Variants in FANCD2 observed in about 807,000 individuals in gnomAD.
FANCD2 encodes the protein Fanconi anemia group D2 protein.
FANCD2 carries 131 observed loss-of-function variants against 192.3 expected under a neutral mutation model. The ratio of observed to expected loss-of-function variants is 0.68; its 90% CI spans 0.59 to 0.79. The LOEUF (loss-of-function observed/expected upper bound fraction) is 0.79. Among genes scored for constraint, FANCD2 ranks in the 30% least tolerant of loss-of-function variants. The probability of loss-of-function intolerance (pLI) is 0.00; values close to 1 mark genes in which losing one functional copy is unlikely to be tolerated. For missense variants in FANCD2, 1,508 were observed against 1,701.6 expected (o/e 0.89, Z 2.00); for synonymous variants, 524 against 612.5 (o/e 0.86, Z 2.13).
chr3:10,028,624 G>C lies in FANCD2; in HGVS notation c.-33-1G>C. The C allele has an allele frequency of 6.3e-7, 1 of 1,593,016 alleles. No homozygotes were observed. Among genetic ancestry groups the C allele is most frequent in the African/African-American group, 1.3e-5 (1 of 74,552 alleles). On this transcript the variant is annotated splice_acceptor_variant, in intron 1 of 43. Transcript: ENST00000675286. LOFTEE classifies it low-confidence loss of function (5UTR_SPLICE). ...ACTTCTGTTTCCCGATTTTGCTCTA[G>C]GAAGTAATTTAAGTGCACAAGACAT...
chr3:10,043,521 A>G lies in FANCD2; in HGVS notation c.1027A>G (p.Ile343Val), dbSNP rs993692917. 5.0e-6 allele frequency: 8 copies of G among 1,613,782 alleles called. No individual in the cohort carries two copies. Among genetic ancestry groups the G allele is most frequent in the Non-Finnish European group, 5.9e-6 (7 of 1,179,820 alleles). Residue 343 changes from isoleucine to valine, a missense_variant, in exon 13 of 44, where the codon ATT (isoleucine) becomes GTT (valine). By Grantham distance (29) the Ile-to-Val change is conservative. This residue lies in a region of FANCD2 where 435 missense variants were observed against 421.9 expected (regional missense o/e 1.03). Coordinates refer to ENST00000675286, the MANE Select transcript of FANCD2 (RefSeq NM_001018115.3). ...GNQESSGQSC[I>V]ILLFDVIKSA... ...TCAAGAAAGCAGCGGTCAGAGCTGT[A>G]TTATTCTCCTCTTTGATGTAATAAA...
intron 14 of FANCD2, among the ~76,000 whole-genome samples, chr3:10,044,219 C>T (rs1206389922): frequency 1.3e-5 from 2 of 152,194 alleles, no homozygotes; most frequent in Non-Finnish European, 2.9e-5. Context: ...ATTGCCCTTC[C>T]TTCCACTCAG....
chr3:10,046,485 C>T (rs1315443780), intron 14 of FANCD2, 95 bp from the exon 15 acceptor site: 2 of 1,566,902 alleles, frequency 1.3e-6, no homozygotes, highest in Non-Finnish European at 8.7e-7. Flanking sequence ...ATTATCCATT[C>T]TGTGTTTTAA....
intron 26 of FANCD2, among the ~76,000 whole-genome samples, chr3:10,070,181 C>T (rs1164746045): frequency 6.6e-6 from 1 of 150,436 alleles, no homozygotes; most frequent in African/African-American, 2.4e-5. Context: ...AGACCCTCCG[C>T]CCGGCAACCG....
intron 2 of FANCD2, among the ~76,000 whole-genome samples, chr3:10,031,377 C>G (rs576213468): frequency 6.6e-6 from 1 of 151,942 alleles, no homozygotes; most frequent in Non-Finnish European, 1.5e-5. Context: ...GTGGTGTGCA[C>G]CTGTAGTCCC....
In FANCD2 at chr3:10,090,379, G is replaced by T. The variant is rs779242727; in HGVS notation, c.3771G>T (p.Ser1257=). ...TTGAGCCTGGCACAGCAGCAGACTCGCAGCAGGTGAGTAAGATAATAGTCA... is the reference window on the plus strand; with the variant it reads ...TTGAGCCTGGCACAGCAGCAGACTCTCAGCAGGTGAGTAAGATAATAGTCA... ...KKIEPGTAAD[S]QQIHEEKLLY... The change falls in exon 37 of 44, where the codon TCG becomes TCT. Residue 1257 remains serine, a synonymous_variant. Coordinates refer to ENST00000675286, the MANE Select transcript of FANCD2 (RefSeq NM_001018115.3). 1.9e-6 allele frequency: 3 copies of T among 1,602,566 alleles called. No individual in the cohort carries two copies. The East Asian group carries it at 6.7e-5, about 36-fold the overall frequency.
rs373289906 is a variant in FANCD2 at position 10,039,041 on chromosome 3, T to A, written c.492-238T>A. On this transcript the variant is annotated intron_variant, in intron 7 of 43. Transcript: ENST00000675286. The stretch of plus-strand genomic sequence containing the variant: ...CCTGTCATCCCTTCTCTCTAAATCC[T>A]CCCTGGATGTAGTCACTGTTCATAT... Among the ~76,000 whole-genome samples, 11 of 152,340 alleles carry A rather than the reference T, an allele frequency of 7.2e-5. 1 individual carries two copies. In the East Asian group the frequency reaches 9.6e-4, roughly 13 times the overall value.
chr3:10,056,713 A>G (rs2087422606), intron 18 of FANCD2, among the ~76,000 whole-genome samples: 1 of 151,772 alleles, frequency 6.6e-6, no homozygotes, highest in Admixed American at 6.6e-5. Context: ...TTTAACTATA[A>G]TCATTCTGAT....
intron 40 of FANCD2, chr3:10,094,754 T>C (rs1478562602): frequency 6.2e-6 from 2 of 320,350 alleles, no homozygotes; most frequent in Non-Finnish European, 1.2e-5. Flanking sequence ...GCTGTGGTAA[T>C]GAACAGTCTT....
rs368448399 is a variant in FANCD2, at chr3:10,034,465, A to G, written c.206-4A>G. ...GGTGACCAGCTCTTCTTTTTTCTGC[A>G]TAGCTGTGGATCAAATAGCTTTCCA... is the stretch of plus-strand genomic sequence containing the variant. On this transcript the variant is annotated splice_polypyrimidine_tract_variant and splice_region_variant and intron_variant, in intron 3 of 43. Transcript: ENST00000675286. 5.0e-6 allele frequency: 8 copies of G among 1,610,236 alleles called. No individual in the cohort carries two copies. Among genetic ancestry groups the G allele is most frequent in the Non-Finnish European group, 6.8e-6 (8 of 1,176,718 alleles).
In FANCD2 at chr3:10,054,854, A is replaced by T. The variant is rs547765481; in HGVS notation, c.1656+2357A>T. ...CCCAGTCAGCACATTTTTTTTAATT[A>T]AAAAAAAAACTTTTGGACTAGGTAA... is the stretch of plus-strand genomic sequence containing the variant. On this transcript the variant is annotated intron_variant, in intron 18 of 43. Coordinates refer to ENST00000675286, the MANE Select transcript of FANCD2 (RefSeq NM_001018115.3). Among the ~76,000 whole-genome samples, 220 of 147,648 alleles carry T rather than the reference A, an allele frequency of 1.5e-3. 2 individuals carry two copies. The highest frequency in any genetic ancestry group is 5.4e-3 in the African/African-American group (218 of 40,324).
chr3:10,074,666 A>G lies in FANCD2; in HGVS notation c.2852A>G (p.His951Arg). Reference sequence around the variant, plus strand: ...AAGTTCATCTTAGATACTGAAATGCACACTGAAGTAAGTGACAGGCTAGGA... The same window carrying G: ...AAGTTCATCTTAGATACTGAAATGCGCACTGAAGTAAGTGACAGGCTAGGA... ...VTKFILDTEM[H>R]TEATEVVQLG... The change falls in exon 29 of 44, where the codon CAC becomes CGC. Residue 951 changes from histidine (H) to arginine (R), a missense_variant. His to Arg is a conservative substitution (Grantham distance 29). This residue lies in a region of FANCD2 where 796 missense variants were observed against 879.4 expected (regional missense o/e 0.91). Coordinates refer to ENST00000675286, the MANE Select transcript of FANCD2 (RefSeq NM_001018115.3). 3 of 1,613,780 alleles carry G rather than the reference A, an allele frequency of 1.9e-6. No homozygotes were observed. The highest frequency in any genetic ancestry group is 2.5e-6 in the Non-Finnish European group (3 of 1,179,828).
rs455913 is a variant in FANCD2, at chr3:10,059,731, G to A, written c.1657-563G>A. Among the ~76,000 whole-genome samples, 7 of 152,130 alleles carry A rather than the reference G, an allele frequency of 4.6e-5. No individual in the cohort carries two copies. In the South Asian group the frequency reaches 1.2e-3, roughly 27 times the overall value. ...TGAGGCAGGAGAATGGCATGAAGCC[G>A]GGAGGTGGAGCTAGCAGTGAGCCAA... On this transcript the variant is annotated intron_variant, in intron 18 of 43. Transcript: ENST00000675286.
intron 9 of FANCD2, chr3:10,040,509 T>C (rs1433190595): frequency 2.2e-6 from 1 of 456,726 alleles, no homozygotes; most frequent in East Asian, 6.9e-5. Flanking sequence ...TGGAGCCTAT[T>C]AAACATCTAC....
chr3:10,101,128 TCCAGAGGTCAC>T, intron 43 of FANCD2, 49 bp from the exon 44 acceptor site: 2 of 1,285,236 alleles, frequency 1.6e-6, no homozygotes, highest in Middle Eastern at 1.8e-4. Context: ...GGAGCTGTAT[TCCAGAGGTCAC>T]CCAGAGCAGT....
Position 10,081,131 on chromosome 3 carries a change from A to T in FANCD2, c.3008A>T (p.His1003Leu), listed in dbSNP as rs765550790. 3.7e-6 allele frequency: 6 copies of T among 1,614,126 alleles called. No homozygotes were observed. The highest frequency in any genetic ancestry group is 5.1e-6 in the Non-Finnish European group (6 of 1,180,002). The change falls in exon 31 of 44, where the codon CAT becomes CTT. Residue 1003 changes from histidine to leucine, a missense_variant. By Grantham distance (99) the His-to-Leu change is moderately conservative (BLOSUM62 -3). Coordinates refer to ENST00000675286, the MANE Select transcript of FANCD2 (RefSeq NM_001018115.3). ...GGAAGCCGGAATATTGGATTCTCACATCTCCAACAGAGATCTGCCCAAGAA... is the reference window on the plus strand; with the variant it reads ...GGAAGCCGGAATATTGGATTCTCACTTCTCCAACAGAGATCTGCCCAAGAA... Reference protein sequence around the residue: ...NKGSRNIGFSHLQQRSAQEIV... With the variant: ...NKGSRNIGFSLLQQRSAQEIV...
Position 10,099,292 on chromosome 3 carries a change from G to A in FANCD2, c.4281+477G>A. The A allele has an allele frequency of 2.4e-6, 3 of 1,244,192 alleles. No individual in the cohort carries two copies. The South Asian group carries it at 5.4e-5, about 23-fold the overall frequency. 77.1% of individuals were successfully genotyped at this position (1,244,192 alleles called of 1,614,324 possible). ...ATAGAAGTTCTTACGCTTTTTTGTG[G>A]TACAGATGCTTTCGACAATTTAAAG... On this transcript the variant is annotated intron_variant, in intron 43 of 43. Coordinates refer to ENST00000675286, the MANE Select transcript of FANCD2 (RefSeq NM_001018115.3).
intron 2 of FANCD2, 95 bp downstream of exon 2, chr3:10,028,816 TCAAA>T: frequency 9.3e-7 from 1 of 1,079,544 alleles, no homozygotes; most frequent in Non-Finnish European, 1.4e-6. Context: ...CTGAGAATCT[TCAAA>T]GTGTAATGAA....
chr3:10,081,070 T>G, intron 30 of FANCD2, 30 bp from the exon 31 acceptor site: 1 of 1,613,808 alleles, frequency 6.2e-7, no homozygotes. Context: ...TCCAGCAGTT[T>G]CTTCACTCAT....
Sources: allele counts gnomAD v4.1 joint callset (sites outside exome capture counted in the v4.1 genomes callset), GRCh38; gene constraint gnomAD v4.1.1; regional missense constraint gnomAD v4.1.1; transcripts MANE v1.5; gene names NCBI Gene and HGNC (gene_info 2026-07-23, HGNC 2026-07-21).